The following RBFOX1 variants were observed in gnomAD, a reference collection of about 807,000 sequenced individuals.
RBFOX1 encodes RNA binding protein fox-1 homolog 1.
RBFOX1 carries 8 observed loss-of-function variants against 57.7 expected under a neutral mutation model. The ratio of observed to expected loss-of-function variants is 0.14; its 90% CI spans 0.08 to 0.25. The LOEUF is 0.25. RBFOX1 is among the 10% of genes least tolerant of loss of function. The probability of loss-of-function intolerance (pLI) is 1.00; values close to 1 mark genes in which losing one functional copy is unlikely to be tolerated. For missense variants in RBFOX1, 611 were observed against 548.5 expected, an observed-to-expected ratio of 1.11 and a Z score of -1.14; for synonymous variants, 326 against 222.4, an observed-to-expected ratio of 1.47 and a Z score of -4.15.
chr16:7,147,682 T>C (rs1353772710), intron 4 of RBFOX1, among the ~76,000 whole-genome samples: 1 of 152,230 alleles, frequency 6.6e-6, no homozygotes, highest in East Asian at 1.9e-4. Flanking sequence ...GTATTCCATG[T>C]TGTGTATGGA....
rs71147626 is a variant in RBFOX1 at position 6,918,281 on chromosome 16, CAA to C, written c.-15-133762_-15-133761del. ...TGGGTGACAGAGCAAGACTCCATCTCAAAAAAAAAAAAAAAGGAAACACACAT... is the reference window on the plus strand; with the variant it reads ...TGGGTGACAGAGCAAGACTCCATCTCAAAAAAAAAAAAAGGAAACACACAT... On this transcript the variant is annotated intron_variant, in intron 3 of 15. Transcript: ENST00000550418. 9.2e-3 allele frequency among the ~76,000 whole-genome samples: 1,166 copies of C among 126,094 alleles called. 8 individuals carry two copies. Among genetic ancestry groups the C allele is most frequent in the Middle Eastern group, 0.027 (6 of 224 alleles). The allele number at this position is 126,094 out of a possible 152,430, so 82.7% of individuals were successfully genotyped here. A position where few individuals can be genotyped will look rare whatever the true frequency, so the allele number is the denominator to read the frequency against.
Position 7,703,685 on chromosome 16 carries a change from C to T in RBFOX1, c.996-5371C>T, listed in dbSNP as rs140239076. On this transcript the variant is annotated intron_variant, in intron 14 of 15. Transcript: ENST00000550418. ...AGGTGTACATAGTACTTCTTGCTAA[C>T]GTGTCTCAGTAGAGTTGATAAAGCA... is the stretch of plus-strand genomic sequence containing the variant. Among the ~76,000 whole-genome samples the T allele has an allele frequency of 3.2e-3, 481 of 152,284 alleles. 1 individual carries two copies. The highest frequency in any genetic ancestry group is 0.011 in the African/African-American group (446 of 41,558).
intron 4 of RBFOX1, among the ~76,000 whole-genome samples, chr16:7,181,666 G>A (rs1478422208): frequency 4.6e-5 from 7 of 151,990 alleles, no homozygotes; most frequent in Admixed American, 1.3e-4. Flanking sequence ...AGGTCCAAGC[G>A]ATTCGTGTGC....
intron 3 of RBFOX1, among the ~76,000 whole-genome samples, chr16:6,702,496 G>T (rs1462538735): frequency 6.6e-6 from 1 of 151,946 alleles, no homozygotes; most frequent in African/African-American, 2.4e-5. Context: ...AGAGGCTACA[G>T]TGAGCCAAGA....
At chr16:5,421,533 C>A (rs1337019316) in intron 1 of RBFOX1, among the ~76,000 whole-genome samples, 1 of 152,064 alleles carries the variant, frequency 6.6e-6, no homozygotes, top group African/African-American at 2.4e-5. Context: ...GATCTTGGCC[C>A]TGAGGAGGTA....
At chr16:6,372,160 G>T (rs573799504) in intron 2 of RBFOX1, among the ~76,000 whole-genome samples, 1 of 152,046 alleles carries the variant, frequency 6.6e-6, no homozygotes, top group Non-Finnish European at 1.5e-5. Flanking sequence ...TGGGTAGGAG[G>T]GTTGTTGGGT....
chr16:6,919,228 C>T (rs568453263), intron 3 of RBFOX1, among the ~76,000 whole-genome samples: 2 of 152,020 alleles, frequency 1.3e-5, no homozygotes, highest in African/African-American at 2.4e-5. Context: ...GGTGATCCGC[C>T]CGCCTCAGCT....
At chr16:5,645,723 C>T (rs1054122519) in intron 3 of RBFOX1, among the ~76,000 whole-genome samples, 6 of 152,156 alleles carry the variant, frequency 3.9e-5, no homozygotes, top group African/African-American at 7.2e-5. Context: ...TGGAGTGCAG[C>T]GGTGCAATCA....
intron 4 of RBFOX1, among the ~76,000 whole-genome samples, chr16:7,083,154 CAT>C (rs2059452653): frequency 6.6e-6 from 1 of 152,068 alleles, no homozygotes; most frequent in African/African-American, 2.4e-5. Context: ...GAATTTAAAA[CAT>C]AGAAATAATT....
chr16:5,788,734 C>A (rs1014675498), intron 3 of RBFOX1, among the ~76,000 whole-genome samples: 3 of 152,122 alleles, frequency 2.0e-5, no homozygotes, highest in African/African-American at 7.2e-5. Context: ...CACACACATA[C>A]ACATACACAT....
At chr16:6,387,451 A>G (rs990779321) in intron 2 of RBFOX1, among the ~76,000 whole-genome samples, 1 of 149,292 alleles carries the variant, frequency 6.7e-6, no homozygotes, top group Admixed American at 6.8e-5. Context: ...GCCACCCTAG[A>G]TATGAAAGGA....
At chr16:6,912,373 G>C (rs1271076820) in intron 3 of RBFOX1, among the ~76,000 whole-genome samples, 3 of 151,600 alleles carry the variant, frequency 2.0e-5, no homozygotes, top group African/African-American at 7.3e-5. Flanking sequence ...GTGGATCTCG[G>C]AGTGGGGACG....
intron 1 of RBFOX1, among the ~76,000 whole-genome samples, chr16:6,222,658 G>T (rs567165608): frequency 6.7e-6 from 1 of 149,032 alleles, no homozygotes; most frequent in East Asian, 2.0e-4. Flanking sequence ...GTAGGTCTTG[G>T]GTAGAATGTA....
chr16:7,216,098 A>T (rs576738962), intron 4 of RBFOX1, among the ~76,000 whole-genome samples: 1 of 152,146 alleles, frequency 6.6e-6, no homozygotes, highest in Non-Finnish European at 1.5e-5. Flanking sequence ...CATAATGCTT[A>T]CGGGGTTCAT....
Position 6,770,423 on chromosome 16 carries a change from T to C in RBFOX1, c.-16+115773T>C, listed in dbSNP as rs191219720. Among the ~76,000 whole-genome samples the C allele has an allele frequency of 6.2e-4, 95 of 152,316 alleles. 2 individuals carry two copies. The highest frequency in any genetic ancestry group is 4.4e-5 in the Non-Finnish European group (3 of 68,020). On this transcript the variant is annotated intron_variant, in intron 3 of 15. Coordinates refer to ENST00000550418, the MANE Select transcript of RBFOX1 (RefSeq NM_018723.4). The stretch of plus-strand genomic sequence containing the variant: ...TTATTTCTGTAATAAAGTTGTATTA[T>C]GTATACCCAGCTGCACCTATGCAAG...
chr16:6,880,077 C>A (rs72768900), intron 3 of RBFOX1, among the ~76,000 whole-genome samples: 25 of 152,126 alleles, frequency 1.6e-4, no homozygotes, highest in Non-Finnish European at 1.6e-4. Context: ...ACTCCTTTCT[C>A]CTTAGGGATG....
At chr16:7,662,509 C>G (rs949253316) in intron 12 of RBFOX1, among the ~76,000 whole-genome samples, 1 of 152,150 alleles carries the variant, frequency 6.6e-6, no homozygotes, top group Non-Finnish European at 1.5e-5. Flanking sequence ...CCCTATTCAC[C>G]CAGTTATTGT....
upstream of RBFOX1, among the ~76,000 whole-genome samples, chr16:6,018,253 G>C (rs2095011478): frequency 6.6e-6 from 1 of 152,086 alleles, no homozygotes; most frequent in African/African-American, 2.4e-5. Flanking sequence ...GAAGAGCAGA[G>C]TTTCTCACTC....
intron 1 of RBFOX1, among the ~76,000 whole-genome samples, chr16:5,450,401 T>C (rs2068386011): frequency 6.6e-6 from 1 of 152,150 alleles, no homozygotes; most frequent in Admixed American, 6.6e-5. Flanking sequence ...CCTGGGCACA[T>C]GCAGACCACA....
Sources: allele counts gnomAD v4.1 joint callset (sites outside exome capture counted in the v4.1 genomes callset), GRCh38; gene constraint gnomAD v4.1.1; transcripts MANE v1.5; gene names NCBI Gene and HGNC (gene_info 2026-07-23, HGNC 2026-07-21).